PDZD2: variants seen among roughly 807,000 people sequenced by gnomAD.
The protein encoded by PDZD2 is PDZ domain-containing protein 2.
Under a neutral mutation model 220.7 loss-of-function variants are expected in PDZD2, and 90 were observed. That is an observed-to-expected ratio of 0.41 (90% CI 0.34 to 0.49). The LOEUF (loss-of-function observed/expected upper bound fraction) is 0.49, where lower values mean the gene tolerates loss of function less well. Among genes scored for constraint, PDZD2 ranks in the 20% least tolerant of loss-of-function variants. The pLI, the probability that PDZD2 is intolerant of heterozygous loss-of-function variation, is 0.28. For synonymous variants in PDZD2, 1,375 were observed against 1,450.5 expected, an observed-to-expected ratio of 0.95 and a Z score of 1.18; for missense variants, 3,174 against 3,608.5, an observed-to-expected ratio of 0.88 and a Z score of 3.08.
At chr5:31,643,332 C>A (rs1361637222) in intron 1 of PDZD2, among the ~76,000 whole-genome samples, 1 of 152,214 alleles carries the variant, frequency 6.6e-6, no homozygotes, top group African/African-American at 2.4e-5. Context: ...CTTGACAAAT[C>A]CTTCAAGATT....
chr5:31,800,411 T>A (rs1489270707), intron 2 of PDZD2, among the ~76,000 whole-genome samples: 1 of 152,064 alleles, frequency 6.6e-6, no homozygotes, highest in East Asian at 1.9e-4. Flanking sequence ...GTGTCCAAGG[T>A]TTTTTCTTGG....
At chr5:31,979,316 T>A (rs1750066886) in intron 2 of PDZD2, among the ~76,000 whole-genome samples, 1 of 152,190 alleles carries the variant, frequency 6.6e-6, no homozygotes, top group East Asian at 1.9e-4. Context: ...ACGCCTGTAA[T>A]CCCAGCACTT....
chr5:31,768,054 G>A (rs1752128353), intron 1 of PDZD2, among the ~76,000 whole-genome samples: 1 of 152,180 alleles, frequency 6.6e-6, no homozygotes, highest in African/African-American at 2.4e-5. Flanking sequence ...ACATCTAGAG[G>A]CTTGGCCCAG....
At chr5:31,901,160 G>A (rs946464831) in intron 2 of PDZD2, among the ~76,000 whole-genome samples, 2 of 152,172 alleles carry the variant, frequency 1.3e-5, no homozygotes, top group South Asian at 2.1e-4. Flanking sequence ...GCTCATGCCT[G>A]TAATCCCAGC....
intron 2 of PDZD2, among the ~76,000 whole-genome samples, chr5:31,910,788 C>T (rs1743130816): frequency 6.6e-6 from 1 of 152,070 alleles, no homozygotes; most frequent in African/African-American, 2.4e-5. Context: ...CCTCAGGCTC[C>T]CAAAGTGCCG....
intron 2 of PDZD2, among the ~76,000 whole-genome samples, chr5:31,864,783 G>A (rs1174855636): frequency 6.7e-6 from 1 of 149,900 alleles, no homozygotes; most frequent in East Asian, 2.0e-4. Flanking sequence ...CAAAGTGCTG[G>A]GATTATAGGC....
chr5:32,019,270 T>C (rs1392091332), intron 6 of PDZD2, among the ~76,000 whole-genome samples: 1 of 150,974 alleles, frequency 6.6e-6, no homozygotes, highest in Non-Finnish European at 1.5e-5. Flanking sequence ...GCCTCCTGAG[T>C]AGCTAGGATT....
chr5:31,689,335 A>ATATATATATATATATACATATG (rs1747008668), intron 1 of PDZD2, among the ~76,000 whole-genome samples: 1 of 60,040 alleles, frequency 1.7e-5, no homozygotes, highest in African/African-American at 9.1e-5. Flanking sequence ...ATATACATAT[A>ATATATATATATATATACATATG]CATATATATA....
At position 31,836,569 on chromosome 5, in the gene PDZD2, A is replaced by C. The variant is rs140582391; in HGVS notation, c.476+36845A>C. On this transcript the variant is annotated intron_variant, in intron 2 of 24. Transcript: ENST00000438447. ...AGGGAAAAATCCATGATTTTTACAAATGTCCCCAACTTGATCTAAATCCTC... is the reference window on the plus strand; with the variant it reads ...AGGGAAAAATCCATGATTTTTACAACTGTCCCCAACTTGATCTAAATCCTC... Among the ~76,000 whole-genome samples, 1,124 of 152,208 alleles carry C rather than the reference A, an allele frequency of 7.4e-3. 9 individuals carry two copies. Among genetic ancestry groups the C allele is most frequent in the African/African-American group, 0.026 (1,077 of 41,514 alleles).
chr5:31,923,725 A>G (rs1328322747), intron 2 of PDZD2, among the ~76,000 whole-genome samples: 1 of 152,184 alleles, frequency 6.6e-6, no homozygotes, highest in African/African-American at 2.4e-5. Context: ...AATGTTTTTA[A>G]CAATGTTAAA....
intron 1 of PDZD2, among the ~76,000 whole-genome samples, chr5:31,717,550 C>G (rs558984508): frequency 6.6e-6 from 1 of 152,188 alleles, no homozygotes; most frequent in Non-Finnish European, 1.5e-5. Context: ...CTCCCTCCCC[C>G]TTAACCTCCC....
In PDZD2 at chr5:32,053,760, C is replaced by T. The variant is rs757455781; in HGVS notation, c.1786-9C>T. 2.0e-5 allele frequency: 31 copies of T among 1,531,932 alleles called. No homozygotes were observed. Among genetic ancestry groups the T allele is most frequent in the South Asian group, 1.1e-4 (10 of 89,426 alleles). The allele number at this position is 1,531,932 out of a possible 1,614,324, so 94.9% of individuals were successfully genotyped here. ...TGTCAACCTGGACTCTCATCTGCTT[C>T]GGATCTAGGGCCTTGGCTTTAGTAT... On this transcript the variant is annotated splice_polypyrimidine_tract_variant and intron_variant, in intron 9 of 24. Transcript: ENST00000438447.
At chr5:31,891,695 G>A (rs917789102) in intron 2 of PDZD2, among the ~76,000 whole-genome samples, 15 of 152,144 alleles carry the variant, frequency 9.9e-5, no homozygotes, top group African/African-American at 3.6e-4. Context: ...GGTCCAGGGT[G>A]GAATGGTGAA....
Position 31,739,092 on chromosome 5 carries a change from G to A in PDZD2, c.-360-59797G>A, listed in dbSNP as rs1379136802. On this transcript the variant is annotated intron_variant, in intron 1 of 24. Transcript: ENST00000438447. ...GTAGTGATGGGGTTTCACCATGTTG[G>A]CCAGGCTGGTCTTGAACTCCTGACC... 2.6e-5 allele frequency among the ~76,000 whole-genome samples: 4 copies of A among 152,062 alleles called. No individual in the cohort carries two copies. The East Asian group carries it at 7.7e-4, about 29-fold the overall frequency.
At chr5:31,883,619 A>ATT (rs34170782) in intron 2 of PDZD2, among the ~76,000 whole-genome samples, 72 of 133,614 alleles carry the variant, frequency 5.4e-4, no homozygotes, top group African/African-American at 1.5e-3. Context: ...ATCCTCTGTA[A>ATT]TTTTTTTTTT....
intron 1 of PDZD2, among the ~76,000 whole-genome samples, chr5:31,645,225 G>A (rs1178324670): frequency 6.6e-6 from 1 of 152,152 alleles, no homozygotes; most frequent in Non-Finnish European, 1.5e-5. Context: ...TCCTGAGGAA[G>A]GGGCGTCCAT....
chr5:32,098,434 C>G lies in PDZD2; in HGVS notation c.8018C>G (p.Ser2673Ter). 2 of 1,614,124 alleles carry G rather than the reference C, an allele frequency of 1.2e-6. No individual in the cohort carries two copies. The highest frequency in any genetic ancestry group is 1.7e-6 in the Non-Finnish European group (2 of 1,180,002). ...ATGAACCGAGGGGATTTCCTTCTGT[C>G]AGTCAACGGCGCCTCACTGGCTGGC... ...GTMNRGDFLLSVNGASLAGLA... is the reference protein window; with the variant it reads ...GTMNRGDFLL Residue 2673 changes from serine (S) to a stop codon, truncating the protein, a stop_gained, in exon 23 of 25, where the codon TCA (serine) becomes TGA (stop). Coordinates refer to ENST00000438447, the MANE Select transcript of PDZD2 (RefSeq NM_178140.4). LOFTEE classifies it high-confidence loss of function. This position sits in a 1 kb window ranked among gnomAD's most constrained non-coding sequence, Gnocchi z 4.1.
At position 32,087,458 on chromosome 5, in the gene PDZD2, G is replaced by T; in HGVS notation, c.4010G>T (p.Gly1337Val). The change falls in exon 20 of 25, where the codon GGT becomes GTT. Residue 1337 changes from glycine (G) to valine (V), a missense_variant. Coordinates refer to ENST00000438447, the MANE Select transcript of PDZD2 (RefSeq NM_178140.4). The surrounding 1 kb of genome is among the most constrained non-coding windows in gnomAD (Gnocchi z 4.0). ...GGAGCAGAGGGAATGACACCAGCTG[G>T]TGCTGTCCTGCCAGGAGACCCCCTC... ...GPGAEGMTPA[G>V]AVLPGDPLTS... 1 of 1,614,034 alleles carries T rather than the reference G, an allele frequency of 6.2e-7. No homozygotes were observed. The highest frequency in any genetic ancestry group is 8.5e-7 in the Non-Finnish European group (1 of 1,179,936).
At position 31,983,545 on chromosome 5, in the gene PDZD2, GA is replaced by G. The variant is rs1315072783; in HGVS notation, c.868del (p.Thr290GlnfsTer12). The G allele has an allele frequency of 6.2e-7, 1 of 1,614,066 alleles. No individual in the cohort carries two copies. The highest frequency in any genetic ancestry group is 1.3e-5 in the African/African-American group (1 of 74,912). On this transcript the variant is annotated frameshift_variant, in exon 3 of 25. Transcript: ENST00000438447. LOFTEE classifies it high-confidence loss of function. ...HLERSEVDRGTEHRIPKTDAP... is the reference protein window; with the variant it reads ...HLERSEVDRGXEHRIPKTDAP... ...TAGAGAGGTCAGAAGTGGACAGAGG[GA>G]CAGAGCATAGAATTCCAAAGACAGA...
Sources: allele counts gnomAD v4.1 joint callset (sites outside exome capture counted in the v4.1 genomes callset), GRCh38; gene constraint gnomAD v4.1.1; non-coding constraint Gnocchi (gnomAD v3.1); transcripts MANE v1.5; gene names NCBI Gene and HGNC (gene_info 2026-07-23, HGNC 2026-07-21).